SYN3: variants seen among roughly 807,000 people sequenced by gnomAD.
SYN3 encodes synapsin III, also known as synapsin-3.
SYN3 carries 35 observed loss-of-function variants against 65.8 expected under a neutral mutation model. That is an observed-to-expected ratio of 0.53 (90% CI 0.41 to 0.70). The LOEUF is 0.70. Ranked by LOEUF, SYN3 falls within the 30% of genes least tolerant of loss-of-function variation. The pLI, the probability that SYN3 is intolerant of heterozygous loss-of-function variation, is 0.00. For missense variants in SYN3, 680 were observed against 749.0 expected (o/e 0.91, Z 1.08); for synonymous variants, 270 against 292.9 (o/e 0.92, Z 0.80).
chr22:32,852,723 C>A (rs1252054712), intron 6 of SYN3, among the ~76,000 whole-genome samples: 1 of 149,744 alleles, frequency 6.7e-6, no homozygotes, highest in Non-Finnish European at 1.5e-5. Flanking sequence ...CTTCAGTACA[C>A]AGAGACCTGC....
chr22:32,965,002 T>A (rs1257364036), intron 3 of SYN3, among the ~76,000 whole-genome samples: 1 of 152,114 alleles, frequency 6.6e-6, no homozygotes, highest in Non-Finnish European at 1.5e-5. Flanking sequence ...ACAGATGAGA[T>A]AGAAAGGTGG....
intron 6 of SYN3, among the ~76,000 whole-genome samples, chr22:32,630,913 G>A (rs901546970): frequency 1.3e-5 from 2 of 152,204 alleles, no homozygotes; most frequent in Admixed American, 6.5e-5. Context: ...CCACTGCTGA[G>A]CCTCTCAAAG....
intron 2 of SYN3, among the ~76,000 whole-genome samples, chr22:32,981,528 T>C (rs2052373393): frequency 6.6e-6 from 1 of 151,852 alleles, no homozygotes; most frequent in East Asian, 2.0e-4. Flanking sequence ...GAAGTTGCGG[T>C]GAGCCAAGAT....
rs530916780 is a variant in SYN3, at chr22:32,554,678, T to C, written c.775-12965A>G. 5.9e-5 allele frequency among the ~76,000 whole-genome samples: 9 copies of C among 152,212 alleles called. No individual in the cohort carries two copies. In the East Asian group the frequency reaches 7.7e-4, roughly 13 times the overall value. Reference sequence around the variant, plus strand: ...GACTGTATGGTCCAACCCTAGCCAATAGGGGAAAGACACAGCAGTAAGAAC... The same window carrying C: ...GACTGTATGGTCCAACCCTAGCCAACAGGGGAAAGACACAGCAGTAAGAAC... On this transcript the variant is annotated intron_variant, in intron 7 of 13. Transcript: ENST00000358763.
At chr22:32,517,098 G>A (rs2057791177) in intron 13 of SYN3, among the ~76,000 whole-genome samples, 1 of 152,212 alleles carries the variant, frequency 6.6e-6, no homozygotes, top group Admixed American at 6.5e-5. Flanking sequence ...TGACTGCAAT[G>A]ATTCCTCTTG....
At chr22:32,877,622 T>C (rs2049017553) in intron 4 of SYN3, among the ~76,000 whole-genome samples, 1 of 152,154 alleles carries the variant, frequency 6.6e-6, no homozygotes, top group Non-Finnish European at 1.5e-5. Flanking sequence ...TGGGTGGAAA[T>C]GCACCCTGCT....
intron 6 of SYN3, among the ~76,000 whole-genome samples, chr22:32,713,112 T>C (rs1001738123): frequency 6.6e-6 from 1 of 152,216 alleles, no homozygotes; most frequent in Non-Finnish European, 1.5e-5. Flanking sequence ...CATTATTTAT[T>C]GAATGGATGG....
At chr22:32,762,737 G>C (rs908293258) in intron 6 of SYN3, among the ~76,000 whole-genome samples, 3 of 152,214 alleles carry the variant, frequency 2.0e-5, no homozygotes, top group African/African-American at 7.2e-5. Flanking sequence ...ACATGGACTT[G>C]GGGGCACGCC....
intron 1 of SYN3, among the ~76,000 whole-genome samples, chr22:33,018,948 C>T (rs1314534173): frequency 6.6e-6 from 1 of 152,166 alleles, no homozygotes; most frequent in Admixed American, 6.5e-5. Context: ...AGCATCATCC[C>T]CTCCTCTCCA....
At chr22:32,515,001 G>A (rs1007332018) in intron 13 of SYN3, among the ~76,000 whole-genome samples, 8 of 151,510 alleles carry the variant, frequency 5.3e-5, no homozygotes, top group African/African-American at 1.9e-4. Flanking sequence ...GGGCGACAGT[G>A]AGACTCCATC....
At chr22:33,037,045 G>A (rs968352585) in intron 1 of SYN3, among the ~76,000 whole-genome samples, 4 of 152,206 alleles carry the variant, frequency 2.6e-5, no homozygotes, top group Admixed American at 6.5e-5. Flanking sequence ...GCTTCCAAGT[G>A]TATGCACAGC....
At chr22:32,799,358 G>A (rs558766121) in intron 6 of SYN3, among the ~76,000 whole-genome samples, 6 of 152,122 alleles carry the variant, frequency 3.9e-5, no homozygotes, top group Admixed American at 3.3e-4. Flanking sequence ...AGGTAATTTC[G>A]TTACTTTTCA....
chr22:32,986,472 AG>A (rs2052530677), intron 2 of SYN3, among the ~76,000 whole-genome samples: 2 of 152,214 alleles, frequency 1.3e-5, no homozygotes, highest in Admixed American at 1.3e-4. Context: ...GCTGAGGGTC[AG>A]GGAGTCCATC....
intron 6 of SYN3, among the ~76,000 whole-genome samples, chr22:32,687,219 A>G (rs1213878989): frequency 1.3e-5 from 2 of 151,600 alleles, no homozygotes; most frequent in Non-Finnish European, 1.5e-5. Flanking sequence ...GTGGAGTGCA[A>G]TGGTGCAATC....
chr22:32,565,050 C>CCT (rs2058651402), intron 7 of SYN3, among the ~76,000 whole-genome samples: 2 of 147,518 alleles, frequency 1.4e-5, no homozygotes, highest in African/African-American at 2.5e-5. Flanking sequence ...ACAGTGATCT[C>CCT]AGACTGCACC....
At chr22:32,916,744 A>G (rs2050196874) in intron 4 of SYN3, among the ~76,000 whole-genome samples, 1 of 152,200 alleles carries the variant, frequency 6.6e-6, no homozygotes, top group Non-Finnish European at 1.5e-5. Flanking sequence ...AAGCATTTGC[A>G]TTTTAATAAG....
intron 3 of SYN3, among the ~76,000 whole-genome samples, chr22:32,951,340 C>T (rs1368192625): frequency 6.6e-6 from 1 of 152,140 alleles, no homozygotes; most frequent in Non-Finnish European, 1.5e-5. Flanking sequence ...CTCAGTGGCG[C>T]CCCCAGCTGC....
At chr22:32,546,429 T>C (rs1253031465) in intron 7 of SYN3, among the ~76,000 whole-genome samples, 1 of 152,242 alleles carries the variant, frequency 6.6e-6, no homozygotes, top group Non-Finnish European at 1.5e-5. Flanking sequence ...GATATTTCCA[T>C]GCATTCTTGG....
intron 6 of SYN3, among the ~76,000 whole-genome samples, chr22:32,854,386 G>A (rs2048306493): frequency 6.6e-6 from 1 of 152,116 alleles, no homozygotes; most frequent in Admixed American, 6.5e-5. Flanking sequence ...CAAATGACCA[G>A]ACTGTAACCA....
Sources: gnomAD v4.1 joint callset for allele counts (sites outside exome capture counted in the v4.1 genomes callset) on GRCh38, gnomAD v4.1.1 for gene constraint, MANE v1.5 for transcripts, NCBI Gene and HGNC (gene_info 2026-07-23, HGNC 2026-07-21) for gene names.